CFI: variants seen among roughly 807,000 people sequenced by gnomAD.
The protein encoded by CFI is C3B/C4B inactivator.
CFI carries 66 observed loss-of-function variants against 78.8 expected under a neutral mutation model. That is an observed-to-expected ratio of 0.84 (90% CI 0.69 to 1.03). The LOEUF (loss-of-function observed/expected upper bound fraction) is 1.03. Ranked by LOEUF, CFI falls within the 50% of genes least tolerant of loss-of-function variation. The pLI is 0.00. For synonymous variants in CFI, 250 were observed against 232.6 expected, an observed-to-expected ratio of 1.07 and a Z score of -0.68; for missense variants, 706 against 704.5, an observed-to-expected ratio of 1.00 and a Z score of -0.02.
At chr4:109,738,939 G>C (rs1723540482), downstream of CFI, among the ~76,000 whole-genome samples, 1 of 152,128 alleles carries the variant, frequency 6.6e-6, no homozygotes, top group African/African-American at 2.4e-5. Context: ...GGGAGGAGTG[G>C]TGAGTTATTG....
At chr4:109,780,809 A>T (rs1226288715) in intron 1 of CFI, among the ~76,000 whole-genome samples, 1 of 152,232 alleles carries the variant, frequency 6.6e-6, no homozygotes, top group Non-Finnish European at 1.5e-5. Flanking sequence ...ATGGAATACT[A>T]TGCAGCCATA....
Position 109,801,901 on chromosome 4 carries a change from G to A in CFI, c.57+14C>T. 4 of 1,569,936 alleles carry A rather than the reference G, an allele frequency of 2.5e-6. No homozygotes were observed. Among genetic ancestry groups the A allele is most frequent in the East Asian group, 2.2e-5 (1 of 44,612 alleles). ...ATCAATTAAAATTGTTTGCATAAAG[G>A]TTGAATTACTTACCTTGCAAAACCT... On this transcript the variant is annotated intron_variant, in intron 1 of 12. Coordinates refer to ENST00000394634, the MANE Select transcript of CFI (RefSeq NM_000204.5).
chr4:109,741,960 T>C (rs1486714498), intron 12 of CFI: 1 of 161,656 alleles, frequency 6.2e-6, no homozygotes, highest in African/African-American at 2.4e-5. Flanking sequence ...GTCCGTGGCG[T>C]AAGAAATGCG....
intron 4 of CFI, among the ~76,000 whole-genome samples, chr4:109,761,041 G>A (rs1174241121): frequency 1.3e-5 from 2 of 152,128 alleles, no homozygotes; most frequent in Non-Finnish European, 1.5e-5. Context: ...CACTGAAAAG[G>A]AGTGGGTATA....
rs768411190 is a variant in CFI at position 109,749,510 on chromosome 4, G to C, written c.1033C>G (p.Arg345Gly). ...TCATGCGACTTTACCAGTTGTGCTCGCTTTCCTCCCACAATTCGTTTCCTT... is the reference window on the plus strand; with the variant it reads ...TCATGCGACTTTACCAGTTGTGCTCCCTTTCCTCCCACAATTCGTTTCCTT... The part of the protein sequence containing the change: ...IRRKRIVGGK[R>G]AQLGDLPWQV... The change falls in exon 9 of 13, where the codon CGA becomes GGA. Residue 345 changes from arginine (R) to glycine (G), a missense_variant. Transcript: ENST00000394634. The C allele has an allele frequency of 6.2e-7, 1 of 1,612,482 alleles. No homozygotes were observed. The highest frequency in any genetic ancestry group is 8.5e-7 in the Non-Finnish European group (1 of 1,178,540).
intron 12 of CFI, chr4:109,741,381 A>C (rs960020286): frequency 1.7e-5 from 17 of 985,108 alleles, no homozygotes; most frequent in Admixed American, 6.1e-5. Flanking sequence ...TGAGATTGCA[A>C]CCTGAAAGTT....
intron 11 of CFI, among the ~76,000 whole-genome samples, chr4:109,743,255 C>A (rs1279361400): frequency 6.6e-6 from 1 of 152,108 alleles, no homozygotes; most frequent in Admixed American, 6.6e-5. Context: ...TCTCAAGACA[C>A]CTGCCTTCCT....
At chr4:109,779,889 C>A (rs1729773450) in intron 1 of CFI, among the ~76,000 whole-genome samples, 1 of 152,002 alleles carries the variant, frequency 6.6e-6, no homozygotes, top group Admixed American at 6.6e-5. Flanking sequence ...GAAAGGATTC[C>A]CTATTTAATA....
rs1483694585 is a variant in CFI, at chr4:109,760,303, A to G, written c.850T>C (p.Cys284Arg). 6.2e-7 allele frequency: 1 copy of G among 1,614,112 alleles called. No individual in the cohort carries two copies. Among genetic ancestry groups the G allele is most frequent in the Non-Finnish European group, 8.5e-7 (1 of 1,179,960 alleles). ...SQYQCNGEVD[C>R]ITGEDEVGCA... ...CCAACTTCATCTTCCCCTGTAATGCAGTCCACCTCACCATTGCATTGATAC... is the reference window on the plus strand; with the variant it reads ...CCAACTTCATCTTCCCCTGTAATGCGGTCCACCTCACCATTGCATTGATAC... Residue 284 changes from cysteine (C) to arginine (R), a missense_variant, in exon 6 of 13, where the codon TGC becomes CGC. Cys to Arg is a radical substitution (Grantham distance 180). Transcript: ENST00000394634.
chr4:109,760,659 G>A, intron 4 of CFI, 23 bp from the exon 5 acceptor site: 1 of 1,372,202 alleles, frequency 7.3e-7, no homozygotes. Flanking sequence ...AATTATCTTT[G>A]TGAAATTTAT....
intron 3 of CFI, 180 bp downstream of exon 3, chr4:109,764,357 A>T: frequency 1.5e-6 from 1 of 684,902 alleles, no homozygotes. Context: ...TGTTGTCAGC[A>T]GGGTTCCAAG....
At chr4:109,781,180 A>G (rs1320258297) in intron 1 of CFI, among the ~76,000 whole-genome samples, 1 of 152,144 alleles carries the variant, frequency 6.6e-6, no homozygotes, top group African/African-American at 2.4e-5. Flanking sequence ...TTTTTGACCC[A>G]ATGAAATTGG....
In CFI at chr4:109,752,484, A is replaced by C; in HGVS notation, c.924T>G (p.Thr308=). 5 of 1,613,480 alleles carry C rather than the reference A, an allele frequency of 3.1e-6. No individual in the cohort carries two copies. Among genetic ancestry groups the C allele is most frequent in the Non-Finnish European group, 4.2e-6 (5 of 1,179,622 alleles). ...TTAGCTTACCTGCATCCATGTCAGC[A>C]GTCAAAATTTCTGTTTCTTCTATGA... ...SVTQEETEIL[T]ADMDAERRRI... The change falls in exon 8 of 13, where the codon ACT becomes ACG. Residue 308 remains threonine, a synonymous_variant. Coordinates refer to ENST00000394634, the MANE Select transcript of CFI (RefSeq NM_000204.5).
At chr4:109,801,200 C>G (rs1051570108) in intron 1 of CFI, among the ~76,000 whole-genome samples, 1 of 152,142 alleles carries the variant, frequency 6.6e-6, no homozygotes, top group Non-Finnish European at 1.5e-5. Flanking sequence ...GCCCACAAAG[C>G]CTTCATTCTG....
chr4:109,778,792 T>C (rs892359045), intron 1 of CFI, among the ~76,000 whole-genome samples: 1 of 152,186 alleles, frequency 6.6e-6, no homozygotes, highest in African/African-American at 2.4e-5. Flanking sequence ...TATGATCAAG[T>C]TGGCTTCATC....
intron 1 of CFI, among the ~76,000 whole-genome samples, chr4:109,775,225 G>A (rs1729071520): frequency 6.6e-6 from 1 of 152,148 alleles, no homozygotes; most frequent in South Asian, 2.1e-4. Context: ...GAAGTGCAAG[G>A]GGTCAGGGAA....
At chr4:109,759,510 T>G (rs901039265) in intron 6 of CFI, among the ~76,000 whole-genome samples, 1 of 152,224 alleles carries the variant, frequency 6.6e-6, no homozygotes, top group Admixed American at 6.5e-5. Flanking sequence ...AGATTTTAGA[T>G]ATACAAATGA....
intron 1 of CFI, among the ~76,000 whole-genome samples, chr4:109,783,795 G>A (rs752584175): frequency 8.5e-5 from 11 of 128,828 alleles, no homozygotes; most frequent in Admixed American, 1.7e-4. Context: ...CATTCAATGA[G>A]TGGATAAAGA....
intron 11 of CFI, 132 bp from the exon 12 acceptor site, chr4:109,742,727 T>C (rs1472690634): frequency 4.6e-6 from 3 of 652,646 alleles, no homozygotes; most frequent in African/African-American, 1.8e-5. Flanking sequence ...TGAGAACTCT[T>C]CCTTAGCGTG....
Sources: allele counts gnomAD v4.1 joint callset (sites outside exome capture counted in the v4.1 genomes callset), GRCh38; gene constraint gnomAD v4.1.1; transcripts MANE v1.5; gene names NCBI Gene and HGNC (gene_info 2026-07-23, HGNC 2026-07-21).